The following COL7A1 variants were observed in gnomAD, a reference collection of about 807,000 sequenced individuals.
COL7A1 encodes collagen type VII alpha 1 chain.
In COL7A1, 296 loss-of-function variants were observed where a neutral mutation model predicts 456.2. That is an observed-to-expected ratio of 0.65 (90% CI 0.59 to 0.71). COL7A1 has a LOEUF of 0.71. Ranked by LOEUF, COL7A1 falls within the 30% of genes least tolerant of loss-of-function variation. The probability of loss-of-function intolerance (pLI) is 0.00; values close to 1 mark genes in which losing one functional copy is unlikely to be tolerated. For missense variants in COL7A1, 3,441 were observed against 4,017.2 expected, an observed-to-expected ratio of 0.86 and a Z score of 3.88; for synonymous variants, 1,464 against 1,525.9, an observed-to-expected ratio of 0.96 and a Z score of 0.95.
At position 48,571,954 on chromosome 3, in the gene COL7A1, TCA is replaced by T. The variant is rs746440195; in HGVS notation, c.7068+45_7068+46del. ...CAAGAGTGGCCCCTTATGCCCGCCA[TCA>T]CACTCCTCAGGCCAGGCTCGCCCTT... On this transcript the variant is annotated intron_variant, in intron 92 of 118. Coordinates refer to ENST00000681320, the MANE Select transcript of COL7A1 (RefSeq NM_000094.4). The surrounding 1 kb of genome is among the most constrained non-coding windows in gnomAD (Gnocchi z 4.6). 30 of 1,605,484 alleles carry T rather than the reference TCA, an allele frequency of 1.9e-5. No individual in the cohort carries two copies. The South Asian group carries it at 3.2e-4, about 17-fold the overall frequency.
chr3:48,569,846 C>G lies in COL7A1; in HGVS notation c.7521+34G>C, dbSNP rs778830879. ...ATATCATACAAGATCCACTCACCCC[C>G]CCACTCATGCCAGGACCTTCCCCAC... On this transcript the variant is annotated intron_variant, in intron 100 of 118. Transcript: ENST00000681320. The surrounding 1 kb of genome is among the most constrained non-coding windows in gnomAD (Gnocchi z 4.9). 8 of 1,614,074 alleles carry G rather than the reference C, an allele frequency of 5.0e-6. No individual in the cohort carries two copies. Among genetic ancestry groups the G allele is most frequent in the African/African-American group, 2.7e-5 (2 of 74,942 alleles).
Position 48,587,697 on chromosome 3 carries a change from G to A in COL7A1, c.2857+96C>T, listed in dbSNP as rs2045373625. On this transcript the variant is annotated intron_variant, in intron 22 of 118. Coordinates refer to ENST00000681320, the MANE Select transcript of COL7A1 (RefSeq NM_000094.4). The surrounding 1 kb of genome is among the most constrained non-coding windows in gnomAD (Gnocchi z 6.1). Reference sequence around the variant, plus strand: ...GGTCACCCAGGGTCAGAGGGTGAGGGGTAGGGGTACAGGAGGAGTCACTCA... The same window carrying A: ...GGTCACCCAGGGTCAGAGGGTGAGGAGTAGGGGTACAGGAGGAGTCACTCA... The A allele has an allele frequency of 2.5e-6, 4 of 1,602,878 alleles. No homozygotes were observed. Among genetic ancestry groups the A allele is most frequent in the African/African-American group, 1.3e-5 (1 of 74,708 alleles).
rs758740269 is a variant in COL7A1 at position 48,564,818 on chromosome 3, C to T, written c.8783G>A (p.Arg2928His). 44 of 1,613,916 alleles carry T rather than the reference C, an allele frequency of 2.7e-5. No homozygotes were observed. Among genetic ancestry groups the T allele is most frequent in the African/African-American group, 4.0e-5 (3 of 74,928 alleles). ...GCTCTGGACCACCCGGGGTGGGCAG[C>T]GGCGCTCGCAGGCCTCACGGGTCCC... ...RFGTREACERRCPPRVVQSQG... is the reference protein window; with the variant it reads ...RFGTREACERHCPPRVVQSQG... Residue 2928 changes from arginine (R) to histidine (H), a missense_variant, in exon 118 of 119, where the codon CGC becomes CAC. By Grantham distance (29) the Arg-to-His change is conservative (BLOSUM62 0). This residue lies in a region of COL7A1 where 2,084 missense variants were observed against 2,501.3 expected (regional missense o/e 0.83). Transcript: ENST00000681320. The surrounding 1 kb of genome is among the most constrained non-coding windows in gnomAD (Gnocchi z 6.0).
intron 65 of COL7A1, 131 bp from the exon 66 acceptor site, chr3:48,577,158 G>C (rs1471771949): frequency 3.0e-6 from 4 of 1,317,864 alleles, no homozygotes. Context: ...GTGTCTTGGA[G>C]CATGGCCTGT....
In COL7A1 at chr3:48,594,278, T is replaced by TGGC. The variant is rs2107805653; in HGVS notation, c.266+87_266+89dup. The TGGC allele has an allele frequency of 6.7e-7, 1 of 1,495,790 alleles. No individual in the cohort carries two copies. The highest frequency in any genetic ancestry group is 1.4e-5 in the African/African-American group (1 of 72,648). The allele number at this position is 1,495,790 out of a possible 1,614,324, so 92.7% of individuals were successfully genotyped here. On this transcript the variant is annotated intron_variant, in intron 3 of 118. Transcript: ENST00000681320. This position sits in a 1 kb window ranked among gnomAD's most constrained non-coding sequence, Gnocchi z 5.5. Reference sequence around the variant, plus strand: ...CCCAAAACTTGTTTCTGCAAAGACCTGGCCTGGGGTTTCCAGGGTCTCCTC... The same window carrying TGGC: ...CCCAAAACTTGTTTCTGCAAAGACCTGGCGGCCTGGGGTTTCCAGGGTCTCCTC...
chr3:48,577,572 CAT>C (rs1388984233), intron 65 of COL7A1, among the ~76,000 whole-genome samples: 2 of 152,212 alleles, frequency 1.3e-5, no homozygotes, highest in Admixed American at 1.3e-4. Flanking sequence ...TGTCCTAGCA[CAT>C]GTCACAGGTC....
chr3:48,591,463 C>T lies in COL7A1; in HGVS notation c.1636+1G>A. The T allele has an allele frequency of 6.2e-7, 1 of 1,613,324 alleles. No homozygotes were observed. The highest frequency in any genetic ancestry group is 8.5e-7 in the Non-Finnish European group (1 of 1,179,684). ...GGGGGTGCTGGCTGCGTCCACCTCA[C>T]CCTGGGTGCTGCGCACAATGATGCG... On this transcript the variant is annotated splice_donor_variant, in intron 13 of 118. Transcript: ENST00000681320. LOFTEE classifies it high-confidence loss of function. This position sits in a 1 kb window ranked among gnomAD's most constrained non-coding sequence, Gnocchi z 7.0.
In COL7A1 at chr3:48,568,947, A is replaced by G. The variant is rs150566753; in HGVS notation, c.7687-92T>C. On this transcript the variant is annotated intron_variant, in intron 103 of 118. Coordinates refer to ENST00000681320, the MANE Select transcript of COL7A1 (RefSeq NM_000094.4). This position sits in a 1 kb window ranked among gnomAD's most constrained non-coding sequence, Gnocchi z 5.2. ...AGCCCGCCAGCTGGGGCAGAGCTCA[A>G]GTCACTCCCGAACGGCCCTAGCAGC... The G allele has an allele frequency of 7.1e-5, 93 of 1,302,536 alleles. 1 individual carries two copies. The East Asian group carries it at 2.3e-3, about 32-fold the overall frequency. The allele number at this position is 1,302,536 out of a possible 1,614,324, so 80.7% of individuals were successfully genotyped here.
rs761077714 is a variant in COL7A1 at position 48,583,464 on chromosome 3, G to A, written c.4402-36C>T. 1.9e-6 allele frequency: 3 copies of A among 1,614,006 alleles called. No homozygotes were observed. ...TGAATTTGGGGGTTCAGAGATTTGG[G>A]TTTGGGCATGAGGATGGAGCAGTGG... is the stretch of plus-strand genomic sequence containing the variant. On this transcript the variant is annotated intron_variant, in intron 41 of 118. Coordinates refer to ENST00000681320, the MANE Select transcript of COL7A1 (RefSeq NM_000094.4). The surrounding 1 kb of genome is among the most constrained non-coding windows in gnomAD (Gnocchi z 5.1).
Position 48,595,253 on chromosome 3 carries a change from G to T in COL7A1, c.-2+15C>A. The T allele has an allele frequency of 5.6e-6, 6 of 1,067,122 alleles. No individual in the cohort carries two copies. Among genetic ancestry groups the T allele is most frequent in the Non-Finnish European group, 8.4e-6 (6 of 714,668 alleles). The allele number at this position is 1,067,122 out of a possible 1,614,324, so 66.1% of individuals were successfully genotyped here. On this transcript the variant is annotated intron_variant, in intron 1 of 118. Coordinates refer to ENST00000681320, the MANE Select transcript of COL7A1 (RefSeq NM_000094.4). ...TCCGAGCCCAGCGCCCCTCCAGCCC[G>T]AGTCCTGGTCTTGCCTGCGCGTCCG... is the stretch of plus-strand genomic sequence containing the variant.
chr3:48,566,447 G>T lies in COL7A1; in HGVS notation c.8358+63C>A. On this transcript the variant is annotated intron_variant, in intron 113 of 118. Coordinates refer to ENST00000681320, the MANE Select transcript of COL7A1 (RefSeq NM_000094.4). This position sits in a 1 kb window ranked among gnomAD's most constrained non-coding sequence, Gnocchi z 5.9. ...GGGGTCAGGGTGCTGGGTGAGGGAGGTAGGGCCCCAGCCCACCCAGGCCCA... is the reference window on the plus strand; with the variant it reads ...GGGGTCAGGGTGCTGGGTGAGGGAGTTAGGGCCCCAGCCCACCCAGGCCCA... The T allele has an allele frequency of 1.2e-6, 2 of 1,609,892 alleles. No individual in the cohort carries two copies. The highest frequency in any genetic ancestry group is 1.7e-6 in the Non-Finnish European group (2 of 1,176,814).
rs2043671687 is a variant in COL7A1 at position 48,567,748 on chromosome 3, G to T, written c.7945C>A (p.Pro2649Thr). The change falls in exon 108 of 119, where the codon CCA becomes ACA. Residue 2649 changes from proline to threonine, a missense_variant. This residue lies in a region of COL7A1 where 2,084 missense variants were observed against 2,501.3 expected (regional missense o/e 0.83). Transcript: ENST00000681320. The surrounding 1 kb of genome is among the most constrained non-coding windows in gnomAD (Gnocchi z 4.3). The stretch of plus-strand genomic sequence containing the variant: ...TGTCCTGCCAGCCCGGGGCGGCCTG[G>T]GGGACCAGCTTCTCCCTGCAGGCAT... ...EKGDKGEAGP[P>T]GRPGLAGHKG... is the part of the protein sequence containing the mutation. 6.2e-7 allele frequency: 1 copy of T among 1,614,012 alleles called. No individual in the cohort carries two copies. Among genetic ancestry groups the T allele is most frequent in the South Asian group, 1.1e-5 (1 of 91,088 alleles).
intron 47 of COL7A1, 96 bp from the exon 48 acceptor site, chr3:48,582,039 T>C: frequency 1.9e-6 from 3 of 1,548,992 alleles, no homozygotes; most frequent in African/African-American, 1.4e-5. Flanking sequence ...TTGGAAGTCA[T>C]ACAGCTCAGT....
At position 48,570,847 on chromosome 3, in the gene COL7A1, T is replaced by C; in HGVS notation, c.7272+14A>G. The C allele has an allele frequency of 1.2e-6, 2 of 1,601,994 alleles. No homozygotes were observed. On this transcript the variant is annotated intron_variant, in intron 95 of 118. Coordinates refer to ENST00000681320, the MANE Select transcript of COL7A1 (RefSeq NM_000094.4). This position sits in a 1 kb window ranked among gnomAD's most constrained non-coding sequence, Gnocchi z 5.5. ...GATTCACCATGCCCCTACATGCTGTTCCCAGCCCCTCACCCGCTCTCCACT... is the reference window on the plus strand; with the variant it reads ...GATTCACCATGCCCCTACATGCTGTCCCCAGCCCCTCACCCGCTCTCCACT...
At position 48,582,467 on chromosome 3, in the gene COL7A1, C is replaced by G. The variant is rs371560136; in HGVS notation, c.4599+11G>C. 33 of 1,614,168 alleles carry G rather than the reference C, an allele frequency of 2.0e-5. No individual in the cohort carries two copies. In the African/African-American group the frequency reaches 4.1e-4, roughly 20 times the overall value. ...AGTACCAGACAGTGCCACCCCCAGC[C>G]GAGGACCCACCTTCTCTCCTTGGCG... On this transcript the variant is annotated intron_variant, in intron 46 of 118. Transcript: ENST00000681320.
intron 35 of COL7A1, 23 bp downstream of exon 35, chr3:48,584,711 G>A (rs373583016): frequency 2.4e-5 from 39 of 1,613,776 alleles, no homozygotes; most frequent in Admixed American, 8.3e-5. Context: ...CATCCCGGCC[G>A]CCTCCCTTCC....
Position 48,583,427 on chromosome 3 carries a change from CCCTGGAA to C in COL7A1, c.4402-6_4402del. On this transcript the variant is annotated splice_acceptor_variant and splice_polypyrimidine_tract_variant and coding_sequence_variant and intron_variant, in exon 42 of 119. Transcript: ENST00000681320. LOFTEE classifies it high-confidence loss of function. The surrounding 1 kb of genome is among the most constrained non-coding windows in gnomAD (Gnocchi z 5.1). Reference sequence around the variant, plus strand: ...AATAGCTCCAGGAGGTCCCCGTGGGCCCTGGAAGGGATGAATTTGGGGGTTCAGAGAT... The same window carrying C: ...AATAGCTCCAGGAGGTCCCCGTGGGCGGGATGAATTTGGGGGTTCAGAGAT... 1 of 1,614,150 alleles carries C rather than the reference CCCTGGAA, an allele frequency of 6.2e-7. No homozygotes were observed. Among genetic ancestry groups the C allele is most frequent in the East Asian group, 2.2e-5 (1 of 44,882 alleles).
chr3:48,570,942 G>A lies in COL7A1; in HGVS notation c.7191C>T (p.Pro2397=), dbSNP rs34360255. The A allele has an allele frequency of 1.0e-4, 168 of 1,613,442 alleles. 1 individual carries two copies. The highest frequency in any genetic ancestry group is 3.3e-4 in the Middle Eastern group (2 of 6,082). Residue 2397 remains proline (P), a synonymous_variant, in exon 95 of 119, where the codon CCC becomes CCT. Coordinates refer to ENST00000681320, the MANE Select transcript of COL7A1 (RefSeq NM_000094.4). The surrounding 1 kb of genome is among the most constrained non-coding windows in gnomAD (Gnocchi z 5.5). The part of the protein sequence containing the change: ...VKGDLGLPGL[P]GAPGVVGFPG... ...GGAACCCAACAACACCAGGAGCACC[G>A]GGCAGGCCAGGGAGGCCCAGATCTC...
In COL7A1 at chr3:48,586,833, G is replaced by C. The variant is rs1575474266; in HGVS notation, c.3276+139C>G. ...CAGTGATGGCAGGATAGGGAGCCAG[G>C]CAGTAGGTGAGGTCTGGAGCCTGTG... On this transcript the variant is annotated intron_variant, in intron 25 of 118. Transcript: ENST00000681320. The surrounding 1 kb of genome is among the most constrained non-coding windows in gnomAD (Gnocchi z 5.1). The C allele has an allele frequency of 6.7e-7, 1 of 1,503,126 alleles. No individual in the cohort carries two copies. The highest frequency in any genetic ancestry group is 2.5e-5 in the East Asian group (1 of 40,548). The allele number at this position is 1,503,126 out of a possible 1,614,324, so 93.1% of individuals were successfully genotyped here. A position where few individuals can be genotyped will look rare whatever the true frequency, so the allele number is the denominator to read the frequency against.
Sources: allele counts gnomAD v4.1 joint callset (sites outside exome capture counted in the v4.1 genomes callset), GRCh38; gene constraint gnomAD v4.1.1; regional missense constraint gnomAD v4.1.1; non-coding constraint Gnocchi (gnomAD v3.1); transcripts MANE v1.5; gene names NCBI Gene and HGNC (gene_info 2026-07-23, HGNC 2026-07-21).